The following ADNP variants were observed in gnomAD, a reference collection of about 807,000 sequenced individuals.
ADNP encodes activity dependent neuroprotector homeobox.
Under a neutral mutation model 84.9 loss-of-function variants are expected in ADNP, and 4 were observed. The ratio of observed to expected loss-of-function variants is 0.05; its 90% CI spans 0.02 to 0.11. The LOEUF (loss-of-function observed/expected upper bound fraction) is 0.11, where lower values mean the gene tolerates loss of function less well. Ranked by LOEUF, ADNP falls within the 10% of genes least tolerant of loss-of-function variation. The pLI, the probability that ADNP is intolerant of heterozygous loss-of-function variation, is 1.00. For synonymous variants in ADNP, 554 were observed against 468.1 expected (o/e 1.18, Z -2.37); for missense variants, 1,132 against 1,326.0 (o/e 0.85, Z 2.27).
intron 2 of ADNP, among the ~76,000 whole-genome samples, chr20:50,924,839 T>C (rs937777889): frequency 1.3e-5 from 2 of 152,238 alleles, no homozygotes; most frequent in Non-Finnish European, 2.9e-5. Flanking sequence ...GGTCAAATAA[T>C]GCATGACTCT....
At chr20:50,930,585 G>A (rs1441665164) in intron 1 of ADNP, among the ~76,000 whole-genome samples, 4 of 152,266 alleles carry the variant, frequency 2.6e-5, no homozygotes, top group Admixed American at 2.0e-4. Context: ...GGAGAAGGGG[G>A]TCGGGCTGCA....
intron 5 of ADNP, among the ~76,000 whole-genome samples, chr20:50,897,839 C>A (rs1027459381): frequency 6.6e-6 from 1 of 152,216 alleles, no homozygotes; most frequent in Non-Finnish European, 1.5e-5. Flanking sequence ...TCTCTCAATA[C>A]TACTTCTCCA....
rs1981094282 is a variant in ADNP, at chr20:50,893,847, G to A, written c.867C>T (p.Ser289=). ...AAGACCGGACATTTCCAGAAGCAAG[G>A]GAACCGATCCTTGGTGGGAGTCCCA... The part of the protein sequence containing the change: ...KSMGLPPRIG[S]LASGNVRSLP... The change falls in exon 6 of 6, where the codon TCC becomes TCT. Residue 289 remains serine (S), a synonymous_variant. Transcript: ENST00000621696. The surrounding 1 kb of genome is among the most constrained non-coding windows in gnomAD (Gnocchi z 4.4). 1 of 1,614,188 alleles carries A rather than the reference G, an allele frequency of 6.2e-7. No individual in the cohort carries two copies. The highest frequency in any genetic ancestry group is 1.3e-5 in the African/African-American group (1 of 75,040).
At chr20:50,904,123 C>T (rs1982250185) in intron 3 of ADNP, 122 bp from the exon 4 acceptor site, 1 of 691,238 alleles carries the variant, frequency 1.4e-6, no homozygotes, top group South Asian at 1.8e-5. Context: ...TAGATATCCT[C>T]ATCTAGTGTG....
At chr20:50,920,207 G>A (rs1291139441) in intron 2 of ADNP, among the ~76,000 whole-genome samples, 2 of 148,992 alleles carry the variant, frequency 1.3e-5, no homozygotes, top group African/African-American at 5.0e-5. Context: ...AATCCGGGAG[G>A]CGGAGGTTGC....
In ADNP at chr20:50,891,729, G is replaced by C. The variant is rs1014546816; in HGVS notation, c.2985C>G (p.Thr995=). Residue 995 remains threonine, a synonymous_variant, in exon 6 of 6, where the codon ACC becomes ACG. Transcript: ENST00000621696. ...EDNTCEMKPG[T]WSDESSQSED... Reference sequence around the variant, plus strand: ...CGCTTTGGGAAGACTCGTCAGACCAGGTTCCTGGTTTCATTTCGCAGGTAT... The same window carrying C: ...CGCTTTGGGAAGACTCGTCAGACCACGTTCCTGGTTTCATTTCGCAGGTAT... The C allele has an allele frequency of 1.2e-6, 2 of 1,614,198 alleles. No homozygotes were observed. Among genetic ancestry groups the C allele is most frequent in the Non-Finnish European group, 1.7e-6 (2 of 1,180,042 alleles).
intron 2 of ADNP, among the ~76,000 whole-genome samples, chr20:50,921,849 A>G (rs1983974123): frequency 6.6e-6 from 1 of 152,228 alleles, no homozygotes. Flanking sequence ...CAAGAAAAAC[A>G]GACTGAGGAT....
At position 50,906,666 on chromosome 20, in the gene ADNP, C is replaced by A. The variant is rs1487208623; in HGVS notation, c.-89-1817G>T. Reference sequence around the variant, plus strand: ...CATTCTTCTAAGTGCCTACCCACAGCTTAAAAAGTCGGTTTAAGACATTAA... The same window carrying A: ...CATTCTTCTAAGTGCCTACCCACAGATTAAAAAGTCGGTTTAAGACATTAA... On this transcript the variant is annotated intron_variant, in intron 2 of 5. Transcript: ENST00000621696. 2.0e-5 allele frequency among the ~76,000 whole-genome samples: 3 copies of A among 152,222 alleles called. No individual in the cohort carries two copies. The South Asian group carries it at 6.2e-4, about 31-fold the overall frequency.
At position 50,892,046 on chromosome 20, in the gene ADNP, C is replaced by A; in HGVS notation, c.2668G>T (p.Gly890Cys). 6.2e-7 allele frequency: 1 copy of A among 1,614,132 alleles called. No individual in the cohort carries two copies. The highest frequency in any genetic ancestry group is 8.5e-7 in the Non-Finnish European group (1 of 1,180,020). Residue 890 changes from glycine (G) to cysteine (C), a missense_variant, in exon 6 of 6, where the codon GGT becomes TGT. By Grantham distance (159) the Gly-to-Cys change is radical. Transcript: ENST00000621696. Reference protein sequence around the residue: ...ENLEEESNESGSPFDPVFEVE... With the variant: ...ENLEEESNESCSPFDPVFEVE... Reference sequence around the variant, plus strand: ...TCAAAAACAGGGTCAAAAGGGCTACCACTTTCATTGGATTCTTCTTCCAAA... The same window carrying A: ...TCAAAAACAGGGTCAAAAGGGCTACAACTTTCATTGGATTCTTCTTCCAAA...
At chr20:50,927,517 G>A (rs1230330731) in intron 2 of ADNP, among the ~76,000 whole-genome samples, 1 of 150,874 alleles carries the variant, frequency 6.6e-6, no homozygotes, top group Non-Finnish European at 1.5e-5. Context: ...GAAGTATATA[G>A]TTTACCTACT....
chr20:50,891,349 A>G lies in ADNP; in HGVS notation c.*56T>C. 1 of 1,509,566 alleles carries G rather than the reference A, an allele frequency of 6.6e-7. No homozygotes were observed. Among genetic ancestry groups the G allele is most frequent in the Non-Finnish European group, 8.8e-7 (1 of 1,135,882 alleles). 93.5% of individuals were successfully genotyped at this position (1,509,566 alleles called of 1,614,324 possible). On this transcript the variant is annotated 3_prime_UTR_variant, in exon 6 of 6. Coordinates refer to ENST00000621696, the MANE Select transcript of ADNP (RefSeq NM_001282531.3). ...AGTGAGAAGACAGCTTTGCAGTCACACTGGATATCAGAGTTCCAGGCTGCA... is the reference window on the plus strand; with the variant it reads ...AGTGAGAAGACAGCTTTGCAGTCACGCTGGATATCAGAGTTCCAGGCTGCA...
chr20:50,899,405 T>G (rs965672733), intron 5 of ADNP, among the ~76,000 whole-genome samples: 3 of 152,052 alleles, frequency 2.0e-5, no homozygotes. Flanking sequence ...GAGAGGGGGT[T>G]TCACCATGTT....
Position 50,891,277 on chromosome 20 carries a change from A to G in ADNP, c.*128T>C. 1 of 1,426,774 alleles carries G rather than the reference A, an allele frequency of 7.0e-7. No individual in the cohort carries two copies. The highest frequency in any genetic ancestry group is 9.1e-7 in the Non-Finnish European group (1 of 1,096,682). 88.4% of individuals were successfully genotyped at this position (1,426,774 alleles called of 1,614,324 possible). A position where few individuals can be genotyped will look rare whatever the true frequency, so the allele number is the denominator to read the frequency against. On this transcript the variant is annotated 3_prime_UTR_variant, in exon 6 of 6. Coordinates refer to ENST00000621696, the MANE Select transcript of ADNP (RefSeq NM_001282531.3). ...ACTTAGAAATAACCACTGGAACTGC[A>G]GCGGCCACATGCCCCACAGTCCAAC...
rs1980373258 is a variant in ADNP, at chr20:50,889,067, A to T, written c.*2338T>A. 1 of 152,214 alleles carries T rather than the reference A, an allele frequency of 6.6e-6. No homozygotes were observed. The highest frequency in any genetic ancestry group is 1.5e-5 in the Non-Finnish European group (1 of 68,036). 9.4% of individuals were successfully genotyped at this position (152,214 alleles called of 1,614,324 possible). ...ACAATATTCTTTTAAAATGGCTTTTATTGAGACACTTGTAGGGATTCTGCA... is the reference window on the plus strand; with the variant it reads ...ACAATATTCTTTTAAAATGGCTTTTTTTGAGACACTTGTAGGGATTCTGCA... On this transcript the variant is annotated 3_prime_UTR_variant, in exon 6 of 6. Transcript: ENST00000621696.
At chr20:50,913,631 T>C in intron 2 of ADNP, 1 of 181,308 alleles carries the variant, frequency 5.5e-6, no homozygotes. Flanking sequence ...ATTTTATTTA[T>C]TTAAAGAACA....
At position 50,931,256 on chromosome 20, in the gene ADNP, G is replaced by C. The variant is rs1266896133; in HGVS notation, c.-695C>G. ...GGCACAAGATGGCGGCGGCCGGGGG[G>C]GGGGGGGCGGGAGTTCAGCTCATGG... On this transcript the variant is annotated 5_prime_UTR_variant, in exon 1 of 6. Transcript: ENST00000621696. The C allele has an allele frequency of 8.4e-5, 9 of 106,762 alleles. No homozygotes were observed. The highest frequency in any genetic ancestry group is 2.5e-4 in the Admixed American group (3 of 11,872). 6.6% of individuals were successfully genotyped at this position (106,762 alleles called of 1,614,324 possible).
chr20:50,912,080 C>A (rs771294204), intron 2 of ADNP, among the ~76,000 whole-genome samples: 2 of 152,216 alleles, frequency 1.3e-5, no homozygotes, highest in Non-Finnish European at 2.9e-5. Flanking sequence ...TAATATTGCA[C>A]TGAGAGCTAC....
rs1472337742 is a variant in ADNP at position 50,894,142 on chromosome 20, T to G, written c.572A>C (p.His191Pro). Residue 191 changes from histidine (H) to proline (P), a missense_variant, in exon 6 of 6, where the codon CAT (histidine) becomes CCT (proline). His to Pro is a moderately conservative substitution (Grantham distance 77). This residue lies in a region of ADNP where 130 missense variants were observed against 183.7 expected (regional missense o/e 0.71). Coordinates refer to ENST00000621696, the MANE Select transcript of ADNP (RefSeq NM_001282531.3). ...RKHIYREHFQ[H>P]VAAPYIAKAG... ...CTTTGCTATGTAAGGTGCTGCCACA[T>G]GCTGAAAATGTTCCCTGTAAATGTG... The G allele has an allele frequency of 6.2e-7, 1 of 1,614,222 alleles. No homozygotes were observed. The highest frequency in any genetic ancestry group is 8.5e-7 in the Non-Finnish European group (1 of 1,180,026).
rs913242351 is a variant in ADNP, at chr20:50,891,829, A to T, written c.2885T>A (p.Val962Asp). The T allele has an allele frequency of 2.7e-5, 43 of 1,614,012 alleles. No homozygotes were observed. The East Asian group carries it at 3.1e-4, about 12-fold the overall frequency. Residue 962 changes from valine to aspartate, a missense_variant, in exon 6 of 6, where the codon GTT (valine) becomes GAT (aspartate). Val to Asp is a radical substitution (Grantham distance 152, BLOSUM62 -3). Transcript: ENST00000621696. ...AGAAGCACCGTCTTTCCACTCAACA[A>T]CATCGTCTTGGTCAACCTCACTATC... is the stretch of plus-strand genomic sequence containing the variant. ...ASDSEVDQDD[V>D]VEWKDGASPS... is the part of the protein sequence containing the mutation.
Sources: allele counts gnomAD v4.1 joint callset (sites outside exome capture counted in the v4.1 genomes callset), GRCh38; gene constraint gnomAD v4.1.1; regional missense constraint gnomAD v4.1.1; non-coding constraint Gnocchi (gnomAD v3.1); transcripts MANE v1.5; gene names NCBI Gene and HGNC (gene_info 2026-07-23, HGNC 2026-07-21).